The following WBP2NL variants were observed in gnomAD, a reference collection of about 807,000 sequenced individuals.
WBP2NL encodes WBP2 N-terminal like.
A neutral mutation model predicts 23.3 loss-of-function variants in WBP2NL; 27 were observed. That is an observed-to-expected ratio of 1.16 (90% CI 0.85 to 1.60). WBP2NL has a LOEUF of 1.60. Among genes scored for constraint, WBP2NL ranks in the 40% most tolerant of loss-of-function variants. The pLI, the probability that WBP2NL is intolerant of heterozygous loss-of-function variation, is 0.00. For missense variants in WBP2NL, 370 were observed against 389.5 expected, an observed-to-expected ratio of 0.95 and a Z score of 0.42; for synonymous variants, 151 against 145.9, an observed-to-expected ratio of 1.03 and a Z score of -0.25.
At position 42,001,852 on chromosome 22, in the gene WBP2NL, G is replaced by A. The variant is rs149145183; in HGVS notation, c.62+2972G>A. 6.2e-4 allele frequency: 875 copies of A among 1,413,378 alleles called. 1 individual carries two copies. Among genetic ancestry groups the A allele is most frequent in the Middle Eastern group, 4.0e-3 (20 of 4,964 alleles). 87.6% of individuals were successfully genotyped at this position (1,413,378 alleles called of 1,614,324 possible). Reference sequence around the variant, plus strand: ...GCAGTGATCTGCTTGCTGGCATGCTGCACCTGTAGCAGCAGCTTGACCCGC... The same window carrying A: ...GCAGTGATCTGCTTGCTGGCATGCTACACCTGTAGCAGCAGCTTGACCCGC... On this transcript the variant is annotated intron_variant, in intron 1 of 5. Transcript: ENST00000328823.
At chr22:42,050,596 C>T (rs971951685) in intron 8 of WBP2NL, among the ~76,000 whole-genome samples, 7 of 151,186 alleles carry the variant, frequency 4.6e-5, no homozygotes, top group Admixed American at 2.6e-4. Flanking sequence ...TGCAGTGAGC[C>T]GAGATCATGC....
chr22:42,057,755 A>C (rs1200486767), intron 8 of WBP2NL, among the ~76,000 whole-genome samples: 1 of 149,214 alleles, frequency 6.7e-6, no homozygotes, highest in Non-Finnish European at 1.5e-5. Context: ...AACTGGCAAA[A>C]ACTGAACATA....
chr22:42,038,427 G>A (rs187521385), intron 8 of WBP2NL, among the ~76,000 whole-genome samples: 3 of 152,176 alleles, frequency 2.0e-5, no homozygotes, highest in Admixed American at 2.0e-4. Flanking sequence ...GATATTGCCT[G>A]GTAATTTTCT....
chr22:42,005,645 C>G (rs1397067860), intron 1 of WBP2NL, among the ~76,000 whole-genome samples: 3 of 152,144 alleles, frequency 2.0e-5, no homozygotes, highest in Admixed American at 6.5e-5. Flanking sequence ...AAACAATAAC[C>G]AATACAGTAC....
At chr22:42,013,235 G>A (rs1409355185) in intron 1 of WBP2NL, among the ~76,000 whole-genome samples, 1 of 151,468 alleles carries the variant, frequency 6.6e-6, no homozygotes, top group Non-Finnish European at 1.5e-5. Flanking sequence ...AGCTGGGTGT[G>A]GTGGTGCATG....
intron 8 of WBP2NL, among the ~76,000 whole-genome samples, chr22:42,038,083 T>G (rs749782560): frequency 7.2e-5 from 11 of 152,218 alleles, no homozygotes; most frequent in Non-Finnish European, 7.3e-5. Flanking sequence ...TTTCAGTCTT[T>G]CACCATTGAG....
At chr22:41,998,984 T>G in intron 1 of WBP2NL, 104 bp downstream of exon 1, 1 of 1,353,888 alleles carries the variant, frequency 7.4e-7, no homozygotes, top group African/African-American at 1.5e-5. Context: ...GCCGCCTTTT[T>G]TGGGCGCGGC....
intron 5 of WBP2NL, among the ~76,000 whole-genome samples, chr22:42,025,932 A>G (rs1285995596): frequency 6.6e-6 from 1 of 152,204 alleles, no homozygotes; most frequent in South Asian, 2.1e-4. Context: ...AATTAACAAT[A>G]TGAAGACATT....
chr22:42,001,519 A>C (rs1921679025), intron 1 of WBP2NL: 1 of 968,678 alleles, frequency 1.0e-6, no homozygotes, highest in African/African-American at 1.7e-5. Context: ...ATTCCCTTTC[A>C]GCTCCAGCTT....
intron 8 of WBP2NL, among the ~76,000 whole-genome samples, chr22:42,057,795 GT>G (rs980292651): frequency 4.4e-5 from 5 of 113,944 alleles, no homozygotes; most frequent in African/African-American, 1.0e-4. Context: ...TTAAAATTAT[GT>G]TTTTTTAGAT....
chr22:42,048,755 CA>C (rs34128048), intron 8 of WBP2NL, among the ~76,000 whole-genome samples: 92 of 109,820 alleles, frequency 8.4e-4, no homozygotes, highest in Non-Finnish European at 8.4e-4. Flanking sequence ...GACTCGGTCT[CA>C]AAAAAAAAAA....
At chr22:42,044,034 A>G (rs184770953) in intron 8 of WBP2NL, among the ~76,000 whole-genome samples, 1 of 152,180 alleles carries the variant, frequency 6.6e-6, no homozygotes, top group East Asian at 1.9e-4. Flanking sequence ...CCCTGCAGCT[A>G]GAGTTTTAAG....
intron 1 of WBP2NL, among the ~76,000 whole-genome samples, chr22:42,010,044 T>A (rs578150388): frequency 6.6e-6 from 1 of 152,348 alleles, no homozygotes; most frequent in South Asian, 2.1e-4. Context: ...TATTCCTAAG[T>A]ATTTTATTCT....
chr22:42,047,621 ATTTT>A (rs570138140), intron 8 of WBP2NL, among the ~76,000 whole-genome samples: 71 of 133,060 alleles, frequency 5.3e-4, no homozygotes, highest in African/African-American at 1.7e-3. Flanking sequence ...AACCAATCAA[ATTTT>A]TTTTTTTTTT....
intron 8 of WBP2NL, among the ~76,000 whole-genome samples, chr22:42,052,279 AT>A (rs995684432): frequency 2.0e-5 from 3 of 150,818 alleles, no homozygotes; most frequent in African/African-American, 7.3e-5. Context: ...ACCAACTTGT[AT>A]TTTTTTTTCC....
At chr22:42,001,038 G>T (rs5758537) in intron 1 of WBP2NL, 341,197 of 737,024 alleles carry the variant, frequency 0.46, 83,730 homozygotes, top group East Asian at 0.85. Flanking sequence ...CAACATGCCT[G>T]TTCAAAGGGG....
At chr22:42,023,287 C>G (rs752892345) in intron 5 of WBP2NL, among the ~76,000 whole-genome samples, 1 of 151,632 alleles carries the variant, frequency 6.6e-6, no homozygotes, top group African/African-American at 2.4e-5. Flanking sequence ...TGGGCTCAAG[C>G]GATCCTCTTA....
At chr22:42,004,139 G>A (rs1921981458) in intron 1 of WBP2NL, among the ~76,000 whole-genome samples, 2 of 152,180 alleles carry the variant, frequency 1.3e-5, no homozygotes, top group African/African-American at 4.8e-5. Context: ...AGGCGTGGTG[G>A]CACATGCCTG....
At chr22:42,050,277 A>G (rs1481419935) in intron 8 of WBP2NL, among the ~76,000 whole-genome samples, 1 of 152,070 alleles carries the variant, frequency 6.6e-6, no homozygotes, top group Non-Finnish European at 1.5e-5. Flanking sequence ...TGGGTGACAG[A>G]GGGAGACCCT....
Sources: allele counts gnomAD v4.1 joint callset (sites outside exome capture counted in the v4.1 genomes callset), GRCh38; gene constraint gnomAD v4.1.1; transcripts MANE v1.5; gene names NCBI Gene and HGNC (gene_info 2026-07-23, HGNC 2026-07-21).